Variants in ITGA9 observed in about 807,000 individuals in gnomAD.
ITGA9 encodes the protein integrin subunit alpha 9.
In ITGA9, 56 loss-of-function variants were observed where a neutral mutation model predicts 127.8. The observed-to-expected ratio is 0.44, with a 90% confidence interval of 0.35 to 0.55. ITGA9 has a LOEUF of 0.55. Among genes scored for constraint, ITGA9 ranks in the 20% least tolerant of loss-of-function variants. ITGA9 has a pLI of 0.00. For missense variants in ITGA9, 1,196 were observed against 1,347.1 expected, an observed-to-expected ratio of 0.89 and a Z score of 1.76; for synonymous variants, 508 against 514.5, an observed-to-expected ratio of 0.99 and a Z score of 0.17.
At chr3:37,574,898 C>T (rs1263768464) in intron 15 of ITGA9, among the ~76,000 whole-genome samples, 1 of 152,168 alleles carries the variant, frequency 6.6e-6, no homozygotes, top group African/African-American at 2.4e-5. Flanking sequence ...GACTTCTGGA[C>T]CTGGAACTCA....
chr3:37,470,341 A>G (rs1698417573), intron 1 of ITGA9, among the ~76,000 whole-genome samples: 1 of 152,176 alleles, frequency 6.6e-6, no homozygotes, highest in Non-Finnish European at 1.5e-5. Context: ...CTAGCAGTGT[A>G]TGAAGGTTCT....
intron 18 of ITGA9, among the ~76,000 whole-genome samples, chr3:37,701,174 A>G (rs1575199184): frequency 6.6e-6 from 1 of 152,258 alleles, no homozygotes; most frequent in East Asian, 1.9e-4. Context: ...GGGTTTCTGC[A>G]GTAGCCCAAG....
intron 15 of ITGA9, among the ~76,000 whole-genome samples, chr3:37,548,351 C>T (rs114107080): frequency 2.5e-4 from 38 of 152,132 alleles, no homozygotes; most frequent in African/African-American, 8.2e-4. Context: ...CTTTCTGGGG[C>T]GATGAACATA....
chr3:37,678,116 T>C (rs1262739963), intron 17 of ITGA9, among the ~76,000 whole-genome samples: 2 of 152,254 alleles, frequency 1.3e-5, no homozygotes, highest in East Asian at 3.8e-4. Context: ...CTACTGTGAA[T>C]AGTGCTGCTA....
At chr3:37,561,535 C>G (rs1038016078) in intron 15 of ITGA9, among the ~76,000 whole-genome samples, 2 of 152,208 alleles carry the variant, frequency 1.3e-5, no homozygotes, top group Non-Finnish European at 2.9e-5. Flanking sequence ...TTCACACTTA[C>G]AAAAGTTAAG....
intron 15 of ITGA9, among the ~76,000 whole-genome samples, chr3:37,594,439 A>G (rs1699849586): frequency 6.6e-6 from 1 of 152,170 alleles, no homozygotes; most frequent in Non-Finnish European, 1.5e-5. Flanking sequence ...AGTAAGGACT[A>G]ATATTTGACA....
chr3:37,605,809 T>C (rs957666815), intron 15 of ITGA9, among the ~76,000 whole-genome samples: 5 of 152,232 alleles, frequency 3.3e-5, no homozygotes, highest in African/African-American at 9.6e-5. Flanking sequence ...TCAGTGTCTC[T>C]CTAAGGGAGG....
At chr3:37,601,273 G>C (rs1185705894) in intron 15 of ITGA9, among the ~76,000 whole-genome samples, 1 of 152,150 alleles carries the variant, frequency 6.6e-6, no homozygotes, top group Non-Finnish European at 1.5e-5. Context: ...GAACAGAACA[G>C]CTCTTAAACC....
rs187194302 is a variant in ITGA9, at chr3:37,569,957, C to T, written c.1689+27372C>T. 3.3e-5 allele frequency among the ~76,000 whole-genome samples: 5 copies of T among 152,330 alleles called. No homozygotes were observed. The South Asian group carries it at 6.2e-4, about 19-fold the overall frequency. Reference sequence around the variant, plus strand: ...TATATTTCAATTAAGGGATATGCAACGTGTACTTCTGCAGCTGCCTTGAGA... The same window carrying T: ...TATATTTCAATTAAGGGATATGCAATGTGTACTTCTGCAGCTGCCTTGAGA... On this transcript the variant is annotated intron_variant, in intron 15 of 27. Coordinates refer to ENST00000264741, the MANE Select transcript of ITGA9 (RefSeq NM_002207.3).
chr3:37,765,751 G>A lies in ITGA9; in HGVS notation c.2542-11641G>A, dbSNP rs139191830. Among the ~76,000 whole-genome samples, 827 of 152,278 alleles carry A rather than the reference G, an allele frequency of 5.4e-3. 7 individuals are homozygous for A. The highest frequency in any genetic ancestry group is 0.018 in the African/African-American group (750 of 41,550). Reference sequence around the variant, plus strand: ...GGGTAAGCTTCAGTCCCGGCTGTCCGTACAGAGTGTGGTTCAGAGGCTGCC... The same window carrying A: ...GGGTAAGCTTCAGTCCCGGCTGTCCATACAGAGTGTGGTTCAGAGGCTGCC... On this transcript the variant is annotated intron_variant, in intron 23 of 27. Coordinates refer to ENST00000264741, the MANE Select transcript of ITGA9 (RefSeq NM_002207.3).
chr3:37,636,029 C>G (rs1288351987), intron 16 of ITGA9, among the ~76,000 whole-genome samples: 1 of 151,848 alleles, frequency 6.6e-6, no homozygotes, highest in Admixed American at 6.5e-5. Context: ...TCCAGTCTAT[C>G]GTTGTTGGAC....
chr3:37,686,289 T>A (rs1367236276), intron 18 of ITGA9, among the ~76,000 whole-genome samples: 1 of 151,982 alleles, frequency 6.6e-6, no homozygotes, highest in Non-Finnish European at 1.5e-5. Flanking sequence ...AGGGATGTGC[T>A]GTCGGGTCAA....
chr3:37,458,658 G>T (rs1333104305), intron 1 of ITGA9, among the ~76,000 whole-genome samples: 1 of 152,220 alleles, frequency 6.6e-6, no homozygotes, highest in Non-Finnish European at 1.5e-5. Context: ...TGCCACGCGT[G>T]AATCACTGTG....
intron 15 of ITGA9, among the ~76,000 whole-genome samples, chr3:37,584,223 A>T (rs1055250378): frequency 3.3e-5 from 5 of 152,204 alleles, no homozygotes; most frequent in Admixed American, 6.5e-5. Context: ...CCAGTTGGCT[A>T]CTGGGGCAGG....
chr3:37,710,409 CA>C (rs1559575188), intron 18 of ITGA9, among the ~76,000 whole-genome samples: 1 of 51,344 alleles, frequency 1.9e-5, no homozygotes, highest in African/African-American at 5.6e-5. Flanking sequence ...ATCCCCCCCC[CA>C]CACACATAAA....
intron 22 of ITGA9, 146 bp downstream of exon 22, chr3:37,744,180 C>T (rs965695954): frequency 1.1e-5 from 8 of 710,266 alleles, no homozygotes; most frequent in Non-Finnish European, 2.1e-5. Flanking sequence ...TGTAACCACA[C>T]ACAGAATGAA....
At position 37,798,937 on chromosome 3, in the gene ITGA9, C is replaced by G. The variant is rs12485450; in HGVS notation, c.2890-4886C>G. On this transcript the variant is annotated intron_variant, in intron 26 of 27. Coordinates refer to ENST00000264741, the MANE Select transcript of ITGA9 (RefSeq NM_002207.3). ...TTGAAAATTATGCTTTGACAACCAGCTTTCTGTCATCATTTTTAATAGTTC... is the reference window on the plus strand; with the variant it reads ...TTGAAAATTATGCTTTGACAACCAGGTTTCTGTCATCATTTTTAATAGTTC... Among the ~76,000 whole-genome samples the G allele has an allele frequency of 7.3e-3, 1,110 of 152,256 alleles. 37 individuals carry two copies. Among genetic ancestry groups the G allele is most frequent in the Admixed American group, 0.048 (738 of 15,306 alleles).
In ITGA9 at chr3:37,506,000, G is replaced by C; in HGVS notation, c.743G>C (p.Gly248Ala). Residue 248 changes from glycine to alanine, a missense_variant and splice_region_variant, in exon 7 of 28, where the codon GGC (glycine) becomes GCC (alanine). Gly to Ala is a moderately conservative substitution (Grantham distance 60, BLOSUM62 0). Coordinates refer to ENST00000264741, the MANE Select transcript of ITGA9 (RefSeq NM_002207.3). ...VIMNRRYTYL[G>A]YAVTAGHFSH... The stretch of plus-strand genomic sequence containing the variant: ...CTTGGTTTCCGCCCATCCTGTTCAG[G>C]CTACGCAGTGACCGCTGGCCACTTC... 1 of 1,601,604 alleles carries C rather than the reference G, an allele frequency of 6.2e-7. No individual in the cohort carries two copies. Among genetic ancestry groups the C allele is most frequent in the Non-Finnish European group, 8.5e-7 (1 of 1,173,912 alleles).
intron 22 of ITGA9, among the ~76,000 whole-genome samples, 192 bp downstream of exon 22, chr3:37,744,226 C>T (rs953148061): frequency 1.1e-4 from 16 of 152,118 alleles, no homozygotes; most frequent in African/African-American, 3.4e-4. Context: ...TGTGCAGGCC[C>T]CTCTGCTTTT....
Sources: gnomAD v4.1 joint callset for allele counts (sites outside exome capture counted in the v4.1 genomes callset) on GRCh38, gnomAD v4.1.1 for gene constraint, MANE v1.5 for transcripts, NCBI Gene and HGNC (gene_info 2026-07-23, HGNC 2026-07-21) for gene names.